Variants in PTPRM observed in about 807,000 individuals in gnomAD.
PTPRM encodes receptor-type tyrosine-protein phosphatase mu.
A neutral mutation model predicts 186.7 loss-of-function variants in PTPRM; 47 were observed. The ratio of observed to expected loss-of-function variants is 0.25; its 90% CI spans 0.20 to 0.32. The LOEUF (loss-of-function observed/expected upper bound fraction) is 0.32, where lower values mean the gene tolerates loss of function less well. Ranked by LOEUF, PTPRM falls within the 10% of genes least tolerant of loss-of-function variation. The pLI is 1.00. For synonymous variants in PTPRM, 668 were observed against 674.9 expected, an observed-to-expected ratio of 0.99 and a Z score of 0.16; for missense variants, 1,494 against 1,865.0, an observed-to-expected ratio of 0.80 and a Z score of 3.66.
intron 7 of PTPRM, among the ~76,000 whole-genome samples, chr18:8,003,701 A>C (rs1175271834): frequency 6.6e-6 from 1 of 152,234 alleles, no homozygotes; most frequent in East Asian, 1.9e-4. Flanking sequence ...TATGGACACG[A>C]ATGCTTTTAA....
intron 7 of PTPRM, among the ~76,000 whole-genome samples, chr18:8,056,968 T>C (rs531990082): frequency 2.2e-4 from 33 of 152,108 alleles, no homozygotes; most frequent in African/African-American, 8.0e-4. Context: ...TTTTCTGCAG[T>C]AAGGGAATGG....
At chr18:7,996,919 A>T (rs973111041) in intron 7 of PTPRM, among the ~76,000 whole-genome samples, 1 of 152,184 alleles carries the variant, frequency 6.6e-6, no homozygotes, top group African/African-American at 2.4e-5. Context: ...TTACATGTGT[A>T]TGGATTAGAA....
chr18:7,883,402 T>C (rs549893900), intron 2 of PTPRM, among the ~76,000 whole-genome samples: 31 of 152,228 alleles, frequency 2.0e-4, no homozygotes, highest in Non-Finnish European at 4.3e-4. Flanking sequence ...ATATAAATGC[T>C]TTGAATTCTG....
chr18:7,747,140 T>C (rs1598486299), intron 1 of PTPRM, among the ~76,000 whole-genome samples: 1 of 152,216 alleles, frequency 6.6e-6, no homozygotes, highest in Non-Finnish European at 1.5e-5. Flanking sequence ...AGAACAAGCA[T>C]AGGATCTTTT....
chr18:8,242,065 CCA>C (rs1350560941), intron 14 of PTPRM, among the ~76,000 whole-genome samples: 7 of 152,078 alleles, frequency 4.6e-5, no homozygotes, highest in Non-Finnish European at 7.3e-5. Context: ...TCCCAGCCAA[CCA>C]CACAAGAAGC....
intron 1 of PTPRM, among the ~76,000 whole-genome samples, chr18:7,656,074 G>T (rs2038839818): frequency 6.6e-6 from 1 of 152,128 alleles, no homozygotes; most frequent in Non-Finnish European, 1.5e-5. Context: ...TTCCACTTCA[G>T]TATATATACC....
chr18:8,341,667 T>C (rs2095475375), intron 22 of PTPRM, among the ~76,000 whole-genome samples: 1 of 126,102 alleles, frequency 7.9e-6, no homozygotes, highest in Non-Finnish European at 1.7e-5. Context: ...GGCACAGCCC[T>C]GTGTACCTAG....
chr18:8,037,501 A>G (rs757561733), intron 7 of PTPRM, among the ~76,000 whole-genome samples: 9 of 152,136 alleles, frequency 5.9e-5, no homozygotes, highest in Non-Finnish European at 7.4e-5. Context: ...TATTGAGTTA[A>G]CTGCAGTTAT....
At chr18:7,746,467 T>C (rs1184597980) in intron 1 of PTPRM, among the ~76,000 whole-genome samples, 2 of 152,104 alleles carry the variant, frequency 1.3e-5, no homozygotes, top group Admixed American at 1.3e-4. Context: ...AAATTCTTTT[T>C]TTTTTCTTTT....
intron 1 of PTPRM, among the ~76,000 whole-genome samples, chr18:7,764,058 T>A (rs1165227364): frequency 6.6e-6 from 1 of 152,032 alleles, no homozygotes; most frequent in Non-Finnish European, 1.5e-5. Flanking sequence ...AGGAGAAAAA[T>A]TATAGATCAG....
chr18:7,653,118 TTTATTA>T (rs150577417), intron 1 of PTPRM, among the ~76,000 whole-genome samples: 15,310 of 145,394 alleles, frequency 0.11, 989 homozygotes, highest in African/African-American at 0.19. Flanking sequence ...CACTATGTAC[TTTATTA>T]TTATTATTAT....
intron 31 of PTPRM, among the ~76,000 whole-genome samples, chr18:8,387,765 T>TAC: frequency 1.2e-5 from 1 of 81,660 alleles, no homozygotes; most frequent in East Asian, 4.7e-4. Flanking sequence ...TGCGTGTGTG[T>TAC]GCGCGCGCGT....
At chr18:7,907,715 T>C (rs1292134890) in intron 4 of PTPRM, among the ~76,000 whole-genome samples, 1 of 152,068 alleles carries the variant, frequency 6.6e-6, no homozygotes, top group African/African-American at 2.4e-5. Flanking sequence ...CAACTTTTAC[T>C]GAGAAACATA....
intron 1 of PTPRM, among the ~76,000 whole-genome samples, chr18:7,678,215 G>C (rs926322183): frequency 2.0e-5 from 3 of 152,172 alleles, no homozygotes; most frequent in Admixed American, 6.5e-5. Flanking sequence ...CCTTGAGAAA[G>C]TGGGTAGTTA....
chr18:8,277,202 G>C (rs978937438), intron 19 of PTPRM, among the ~76,000 whole-genome samples: 1 of 152,108 alleles, frequency 6.6e-6, no homozygotes, highest in African/African-American at 2.4e-5. Flanking sequence ...CTCCCAAAGT[G>C]CTCCTAAACT....
intron 1 of PTPRM, among the ~76,000 whole-genome samples, chr18:7,579,232 T>A (rs545101865): frequency 6.6e-6 from 1 of 152,328 alleles, no homozygotes; most frequent in East Asian, 1.9e-4. Flanking sequence ...ATACCTGCAT[T>A]ACAGTCACCT....
At chr18:8,164,078 A>C (rs1304259365) in intron 14 of PTPRM, among the ~76,000 whole-genome samples, 1 of 152,212 alleles carries the variant, frequency 6.6e-6, no homozygotes, top group African/African-American at 2.4e-5. Flanking sequence ...ATAAGTTAAG[A>C]GAGCAACTAA....
At chr18:7,765,929 A>C (rs1471426578) in intron 1 of PTPRM, among the ~76,000 whole-genome samples, 2 of 152,244 alleles carry the variant, frequency 1.3e-5, no homozygotes, top group African/African-American at 4.8e-5. Flanking sequence ...AATGTTTGCT[A>C]GTGTATGTAA....
At chr18:7,923,836 A>G (rs933639263) in intron 4 of PTPRM, among the ~76,000 whole-genome samples, 3 of 152,150 alleles carry the variant, frequency 2.0e-5, no homozygotes, top group African/African-American at 7.2e-5. Context: ...CTTTTGCTCA[A>G]ATGTTTTCAC....
Sources: allele counts gnomAD v4.1 joint callset (sites outside exome capture counted in the v4.1 genomes callset), GRCh38; gene constraint gnomAD v4.1.1; transcripts MANE v1.5; gene names NCBI Gene and HGNC (gene_info 2026-07-23, HGNC 2026-07-21).